The following GHR variants were observed in gnomAD, a reference collection of about 807,000 sequenced individuals.
GHR encodes GH receptor.
In GHR, 35 loss-of-function variants were observed where a neutral mutation model predicts 67.1. The observed-to-expected ratio is 0.52, with a 90% CI of 0.40 to 0.69. The LOEUF is 0.69. Among genes scored for constraint, GHR ranks in the 30% least tolerant of loss-of-function variants. The pLI, the probability that GHR is intolerant of heterozygous loss-of-function variation, is 0.00. For missense variants in GHR, 792 were observed against 764.6 expected (o/e 1.04, Z -0.42); for synonymous variants, 272 against 269.1 (o/e 1.01, Z -0.10).
chr5:42,548,009 A>G (rs1420401698), intron 1 of GHR: 5 of 783,504 alleles, frequency 6.4e-6, no homozygotes, highest in Non-Finnish European at 7.7e-6. Flanking sequence ...CTACCCATCC[A>G]GATCAGAGCC....
At chr5:42,699,108 T>A (rs971154888) in intron 5 of GHR, among the ~76,000 whole-genome samples, 1 of 152,206 alleles carries the variant, frequency 6.6e-6, no homozygotes, top group African/African-American at 2.4e-5. Context: ...TTCTTCCTTC[T>A]TATGTCAGAA....
At chr5:42,543,082 G>A (rs1028644533) in intron 1 of GHR, among the ~76,000 whole-genome samples, 1 of 152,096 alleles carries the variant, frequency 6.6e-6, no homozygotes, top group Non-Finnish European at 1.5e-5. Context: ...TGTGAGCTGT[G>A]CTGTGATAAA....
intron 1 of GHR, among the ~76,000 whole-genome samples, chr5:42,555,307 C>T (rs1749248864): frequency 6.6e-6 from 1 of 152,170 alleles, no homozygotes; most frequent in Non-Finnish European, 1.5e-5. Flanking sequence ...AAGAAACTGC[C>T]ATGTCAGCAC....
intron 1 of GHR, among the ~76,000 whole-genome samples, chr5:42,496,582 A>T (rs1039728500): frequency 6.6e-6 from 1 of 152,098 alleles, no homozygotes; most frequent in African/African-American, 2.4e-5. Flanking sequence ...TGACGTTTAT[A>T]AGTGTCAGGT....
chr5:42,480,284 G>C (rs1158074185), intron 1 of GHR, among the ~76,000 whole-genome samples: 3 of 152,152 alleles, frequency 2.0e-5, no homozygotes, highest in Admixed American at 2.0e-4. Context: ...TCTTACATTT[G>C]CTGAGGAGTG....
chr5:42,620,436 T>C (rs1753385442), intron 2 of GHR, among the ~76,000 whole-genome samples: 1 of 152,144 alleles, frequency 6.6e-6, no homozygotes, highest in South Asian at 2.1e-4. Context: ...TTCAAGCTTA[T>C]TATTCATTGG....
intron 1 of GHR, among the ~76,000 whole-genome samples, chr5:42,450,754 T>C (rs1027581406): frequency 6.6e-6 from 1 of 152,184 alleles, no homozygotes; most frequent in Non-Finnish European, 1.5e-5. Flanking sequence ...TCAGACTTTT[T>C]GATTTAGGCA....
At chr5:42,528,717 C>T (rs1486137231) in intron 1 of GHR, among the ~76,000 whole-genome samples, 1 of 152,246 alleles carries the variant, frequency 6.6e-6, no homozygotes, top group East Asian at 1.9e-4. Flanking sequence ...ACATGCTACA[C>T]AGAAATCTTT....
intron 3 of GHR, among the ~76,000 whole-genome samples, chr5:42,680,853 A>AT (rs35948016): frequency 0.78 from 117,674 of 150,658 alleles, 46,490 homozygotes; most frequent in East Asian, 0.99. Flanking sequence ...TATTATTATT[A>AT]TTTTTTTTTA....
chr5:42,694,774 C>T (rs1757589106), intron 4 of GHR, 143 bp from the exon 5 acceptor site: 2 of 716,704 alleles, frequency 2.8e-6, no homozygotes, highest in Non-Finnish European at 5.1e-6. Flanking sequence ...TGTGATATGT[C>T]TCGGAAATGA....
chr5:42,550,115 G>C (rs1040355470), intron 1 of GHR: 1 of 963,882 alleles, frequency 1.0e-6, no homozygotes, highest in African/African-American at 1.8e-5. Flanking sequence ...TATGAGCCTG[G>C]GGTAAGTGTG....
At chr5:42,481,702 C>T (rs1256247150) in intron 1 of GHR, among the ~76,000 whole-genome samples, 1 of 152,162 alleles carries the variant, frequency 6.6e-6, no homozygotes, top group Non-Finnish European at 1.5e-5. Context: ...GCATTTGTCA[C>T]GTAATTCTCG....
intron 2 of GHR, among the ~76,000 whole-genome samples, chr5:42,573,118 C>T (rs1345802682): frequency 6.6e-6 from 1 of 152,162 alleles, no homozygotes; most frequent in Non-Finnish European, 1.5e-5. Flanking sequence ...CATCCTTCAG[C>T]ATTCTGATGA....
At chr5:42,476,280 G>C (rs1008878316) in intron 1 of GHR, among the ~76,000 whole-genome samples, 180 of 151,036 alleles carry the variant, frequency 1.2e-3, no homozygotes, top group African/African-American at 4.2e-3. Context: ...GAGTGCAGTG[G>C]CACAATCTCG....
intron 1 of GHR, among the ~76,000 whole-genome samples, chr5:42,512,799 CTT>C (rs1554014683): frequency 3.3e-4 from 44 of 133,496 alleles, no homozygotes; most frequent in East Asian, 1.8e-3. Flanking sequence ...CATTCAGTAA[CTT>C]TTTTTTTTTT....
At position 42,699,930 on chromosome 5, in the gene GHR, T is replaced by C. The variant is rs139339989; in HGVS notation, c.546T>C (p.Asp182=). 23 of 1,599,010 alleles carry C rather than the reference T, an allele frequency of 1.4e-5. No homozygotes were observed. Among genetic ancestry groups the C allele is most frequent in the Admixed American group, 6.7e-5 (4 of 59,882 alleles). ...QVRWEAPRNA[D]IQKGWMVLEY... ...GATGGGAAGCACCACGCAATGCAGATATTCAGAAAGGATGGATGGTTCTGG... is the reference window on the plus strand; with the variant it reads ...GATGGGAAGCACCACGCAATGCAGACATTCAGAAAGGATGGATGGTTCTGG... Residue 182 remains aspartate (D), a synonymous_variant, in exon 6 of 10, where the codon GAT becomes GAC. Coordinates refer to ENST00000230882, the MANE Select transcript of GHR (RefSeq NM_000163.5).
At chr5:42,552,391 C>A (rs1156628163) in intron 1 of GHR, among the ~76,000 whole-genome samples, 1 of 152,194 alleles carries the variant, frequency 6.6e-6, no homozygotes, top group East Asian at 1.9e-4. Flanking sequence ...TTCCTACCAA[C>A]ACATTGCCTA....
intron 1 of GHR, among the ~76,000 whole-genome samples, chr5:42,451,741 T>A (rs2112004548): frequency 6.6e-6 from 1 of 151,950 alleles, no homozygotes; most frequent in Admixed American, 6.6e-5. Flanking sequence ...TCACTTTTAG[T>A]TTCCATTTGT....
chr5:42,594,726 G>T (rs530305623), intron 2 of GHR, among the ~76,000 whole-genome samples: 1 of 152,018 alleles, frequency 6.6e-6, no homozygotes, highest in Admixed American at 6.5e-5. Context: ...TGTCTTGTGG[G>T]TCCTTTATAT....
Sources: gnomAD v4.1 joint callset for allele counts (sites outside exome capture counted in the v4.1 genomes callset) on GRCh38, gnomAD v4.1.1 for gene constraint, MANE v1.5 for transcripts, NCBI Gene and HGNC (gene_info 2026-07-23, HGNC 2026-07-21) for gene names.